The following WWC2 variants were observed in gnomAD, a reference collection of about 807,000 sequenced individuals.
The protein encoded by WWC2 is protein WWC2.
WWC2 carries 101 observed loss-of-function variants against 138.5 expected under a neutral mutation model. The observed-to-expected ratio is 0.73, with a 90% CI of 0.62 to 0.86. The LOEUF is 0.86. Among genes scored for constraint, WWC2 ranks in the 40% least tolerant of loss-of-function variants. WWC2 has a pLI of 0.00. For synonymous variants in WWC2, 558 were observed against 538.4 expected, an observed-to-expected ratio of 1.04 and a Z score of -0.50; for missense variants, 1,420 against 1,419.4, an observed-to-expected ratio of 1.00 and a Z score of -0.01.
intron 4 of WWC2, among the ~76,000 whole-genome samples, chr4:183,213,925 T>TAA (rs759954959): frequency 1.3e-4 from 18 of 142,998 alleles, no homozygotes; most frequent in Admixed American, 4.2e-4. Flanking sequence ...CAATTGCCGT[T>TAA]AAAAAAAAAA....
intron 7 of WWC2, 61 bp from the exon 8 acceptor site, chr4:183,249,859 G>T (rs1044802166): frequency 1.9e-5 from 26 of 1,392,972 alleles, no homozygotes; most frequent in Non-Finnish European, 3.0e-6. Context: ...AGAAACAAAA[G>T]CAATTTACTT....
intron 11 of WWC2, among the ~76,000 whole-genome samples, chr4:183,263,338 C>T (rs140653722): frequency 1.3e-5 from 2 of 152,280 alleles, no homozygotes; most frequent in South Asian, 2.1e-4. Flanking sequence ...AAGTCTGTCA[C>T]CCACCCAGTA....
intron 21 of WWC2, among the ~76,000 whole-genome samples, chr4:183,292,244 A>T (rs1317438789): frequency 6.6e-6 from 1 of 151,970 alleles, no homozygotes; most frequent in Non-Finnish European, 1.5e-5. Flanking sequence ...GCATACACAC[A>T]AACACACAGA....
intron 1 of WWC2, among the ~76,000 whole-genome samples, chr4:183,140,850 A>G (rs778024684): frequency 6.6e-6 from 1 of 151,976 alleles, no homozygotes; most frequent in Non-Finnish European, 1.5e-5. Flanking sequence ...AATTAAGAGC[A>G]TAGACTCTAG....
chr4:183,289,750 A>T (rs889920475), intron 21 of WWC2, 115 bp downstream of exon 21: 1 of 1,453,030 alleles, frequency 6.9e-7, no homozygotes, highest in African/African-American at 1.4e-5. Context: ...TAGATGTTTT[A>T]CTACAGCTTG....
At chr4:183,210,882 G>A (rs534457471) in intron 4 of WWC2, among the ~76,000 whole-genome samples, 12 of 152,282 alleles carry the variant, frequency 7.9e-5, no homozygotes, top group African/African-American at 2.2e-4. Context: ...GAGACATACC[G>A]TCTTATATGC....
intron 2 of WWC2, among the ~76,000 whole-genome samples, chr4:183,203,277 A>G (rs1735352588): frequency 6.6e-6 from 1 of 151,850 alleles, no homozygotes; most frequent in Admixed American, 6.6e-5. Context: ...ATTAGGTGGA[A>G]GGAAGAGTTA....
chr4:183,110,095 A>G (rs1732185372), intron 1 of WWC2, among the ~76,000 whole-genome samples: 1 of 152,192 alleles, frequency 6.6e-6, no homozygotes, highest in Non-Finnish European at 1.5e-5. Context: ...CCTAAAGTAG[A>G]GATTGCTTTT....
rs1015488530 is a variant in WWC2 at position 183,313,728 on chromosome 4, G to A, written c.3512+1260G>A. Among the ~76,000 whole-genome samples the A allele has an allele frequency of 2.2e-4, 33 of 151,446 alleles. 1 individual carries two copies. The highest frequency in any genetic ancestry group is 4.2e-4 in the South Asian group (2 of 4,746). On this transcript the variant is annotated intron_variant, in intron 22 of 22. Transcript: ENST00000403733. ...GGCTGGTGGGCACCAATCACTGAAG[G>A]GCTCGCCCCAAAAGAGATGCTAGAA...
At chr4:183,156,241 G>T (rs1733800973) in intron 1 of WWC2, among the ~76,000 whole-genome samples, 1 of 151,682 alleles carries the variant, frequency 6.6e-6, no homozygotes, top group Admixed American at 6.6e-5. Flanking sequence ...GGCCAGGTTG[G>T]TCTCGAACTC....
intron 2 of WWC2, among the ~76,000 whole-genome samples, chr4:183,205,631 G>A (rs758872422): frequency 5.3e-5 from 8 of 152,052 alleles, no homozygotes; most frequent in Admixed American, 2.6e-4. Flanking sequence ...TCTTCTGACC[G>A]GCAGTTAAGT....
chr4:183,174,459 G>A (rs547750254), intron 1 of WWC2, among the ~76,000 whole-genome samples: 1 of 152,134 alleles, frequency 6.6e-6, no homozygotes, highest in East Asian at 1.9e-4. Flanking sequence ...CACTTACCAC[G>A]CTGCAGTTTG....
intron 3 of WWC2, 47 bp downstream of exon 3, chr4:183,208,203 G>T (rs896218264): frequency 1.9e-6 from 3 of 1,586,580 alleles, no homozygotes; most frequent in Non-Finnish European, 1.7e-6. Context: ...AGACTGAATT[G>T]TAGATAACAG....
intron 21 of WWC2, among the ~76,000 whole-genome samples, chr4:183,310,499 C>T (rs1328238642): frequency 1.3e-5 from 2 of 151,782 alleles, no homozygotes; most frequent in Non-Finnish European, 2.9e-5. Flanking sequence ...TGGTCTTCAC[C>T]TGTTTGTTTG....
chr4:183,132,356 C>G (rs1221494276), intron 1 of WWC2, among the ~76,000 whole-genome samples: 1 of 151,996 alleles, frequency 6.6e-6, no homozygotes, highest in Non-Finnish European at 1.5e-5. Flanking sequence ...TTGTAGACAC[C>G]CATTATCAGG....
rs542963433 is a variant in WWC2 at position 183,168,853 on chromosome 4, A to AT, written c.132-24734dup. ...TCATTTTATGGCATATAGTATTATA[A>AT]TTTTTTTTTTTTGAGACAGAGTTTC... On this transcript the variant is annotated intron_variant, in intron 1 of 22. Coordinates refer to ENST00000403733, the MANE Select transcript of WWC2 (RefSeq NM_024949.6). Among the ~76,000 whole-genome samples, 257 of 148,218 alleles carry AT rather than the reference A, an allele frequency of 1.7e-3. 1 individual carries two copies. Among genetic ancestry groups the AT allele is most frequent in the South Asian group, 5.3e-3 (25 of 4,692 alleles).
At chr4:183,226,345 G>A (rs1736073672) in intron 4 of WWC2, among the ~76,000 whole-genome samples, 1 of 151,900 alleles carries the variant, frequency 6.6e-6, no homozygotes, top group Non-Finnish European at 1.5e-5. Flanking sequence ...CAATCCACCT[G>A]CCTTGGTCTA....
chr4:183,113,141 G>A (rs1732290638), intron 1 of WWC2, among the ~76,000 whole-genome samples: 5 of 151,852 alleles, frequency 3.3e-5, no homozygotes, highest in Admixed American at 3.3e-4. Context: ...GGCGTGGGGT[G>A]CATACTTGTA....
Position 183,231,487 on chromosome 4 carries a change from C to T in WWC2, c.523-8696C>T, listed in dbSNP as rs1363516393. On this transcript the variant is annotated intron_variant, in intron 4 of 22. Coordinates refer to ENST00000403733, the MANE Select transcript of WWC2 (RefSeq NM_024949.6). ...GTTTCACCATGTTGGCCAGGCTGAT[C>T]TTGAACTCCCGACCTCAAGTGATCC... Among the ~76,000 whole-genome samples, 23 of 151,828 alleles carry T rather than the reference C, an allele frequency of 1.5e-4. 1 individual carries two copies.
Sources: gnomAD v4.1 joint callset for allele counts (sites outside exome capture counted in the v4.1 genomes callset) on GRCh38, gnomAD v4.1.1 for gene constraint, MANE v1.5 for transcripts, NCBI Gene and HGNC (gene_info 2026-07-23, HGNC 2026-07-21) for gene names.